GRID1: variants seen among roughly 807,000 people sequenced by gnomAD.
The protein encoded by GRID1 is glutamate receptor ionotropic, delta-1.
A neutral mutation model predicts 98.0 loss-of-function variants in GRID1; 28 were observed. The ratio of observed to expected loss-of-function variants is 0.29; its 90% confidence interval spans 0.21 to 0.39. The LOEUF is 0.39. Among genes scored for constraint, GRID1 ranks in the 10% least tolerant of loss-of-function variants. The probability of loss-of-function intolerance (pLI) is 1.00; values close to 1 mark genes in which losing one functional copy is unlikely to be tolerated. For missense variants in GRID1, 1,111 were observed against 1,340.5 expected (o/e 0.83, Z 2.67); for synonymous variants, 553 against 538.5 (o/e 1.03, Z -0.37).
chr10:85,714,008 G>A (rs761868800), intron 12 of GRID1, among the ~76,000 whole-genome samples: 4 of 151,716 alleles, frequency 2.6e-5, no homozygotes, highest in Admixed American at 6.6e-5. Context: ...AGAACAATTA[G>A]GCAATACAAA....
chr10:86,102,106 T>C (rs1844305022), intron 4 of GRID1, among the ~76,000 whole-genome samples: 2 of 152,226 alleles, frequency 1.3e-5, no homozygotes, highest in South Asian at 2.1e-4. Flanking sequence ...GTGTTCGCCC[T>C]GCTTTGTCCA....
intron 2 of GRID1, among the ~76,000 whole-genome samples, chr10:86,342,713 C>T (rs942182835): frequency 6.6e-6 from 1 of 152,210 alleles, no homozygotes; most frequent in African/African-American, 2.4e-5. Flanking sequence ...CAGCCTGAGT[C>T]GGGTAGCGAG....
At chr10:85,702,508 G>A (rs1020169682) in intron 12 of GRID1, among the ~76,000 whole-genome samples, 3 of 151,976 alleles carry the variant, frequency 2.0e-5, no homozygotes, top group Non-Finnish European at 4.4e-5. Flanking sequence ...AAATAATAAG[G>A]AAATATTTAA....
intron 8 of GRID1, among the ~76,000 whole-genome samples, chr10:85,775,745 A>AG (rs1564587132): frequency 6.6e-6 from 1 of 152,156 alleles, no homozygotes; most frequent in Non-Finnish European, 1.5e-5. Context: ...ATTGTTGAAA[A>AG]GGGGGTTGAG....
chr10:86,053,512 C>T (rs1843531129), intron 4 of GRID1, among the ~76,000 whole-genome samples: 1 of 151,986 alleles, frequency 6.6e-6, no homozygotes, highest in African/African-American at 2.4e-5. Flanking sequence ...GCATGCGCCA[C>T]CATGCCTGGC....
chr10:86,222,590 C>T (rs1465692382), intron 2 of GRID1, among the ~76,000 whole-genome samples: 1 of 152,186 alleles, frequency 6.6e-6, no homozygotes, highest in Non-Finnish European at 1.5e-5. Context: ...GGAGGGGCCT[C>T]TGAAAGACGC....
In GRID1 at chr10:86,366,311, T is replaced by C. The variant is rs2132126922; in HGVS notation, c.79+3A>G. 1 of 1,493,280 alleles carries C rather than the reference T, an allele frequency of 6.7e-7. No homozygotes were observed. Among genetic ancestry groups the C allele is most frequent in the Non-Finnish European group, 8.9e-7 (1 of 1,118,292 alleles). The allele number at this position is 1,493,280 out of a possible 1,614,324, so 92.5% of individuals were successfully genotyped here. A position where few individuals can be genotyped will look rare whatever the true frequency, so the allele number is the denominator to read the frequency against. On this transcript the variant is annotated splice_donor_region_variant and intron_variant, in intron 1 of 15. Coordinates refer to ENST00000327946, the MANE Select transcript of GRID1 (RefSeq NM_017551.3). The surrounding 1 kb of genome is among the most constrained non-coding windows in gnomAD (Gnocchi z 4.1). ...CCTCGGCCCGGCCTCCAGCCGCGCT[T>C]ACCGATGTGGATGATGGAGTCGGCC...
chr10:85,974,270 C>T (rs1589320036), intron 4 of GRID1, among the ~76,000 whole-genome samples: 2 of 145,480 alleles, frequency 1.4e-5, no homozygotes, highest in East Asian at 4.0e-4. Flanking sequence ...AAAGCCCAAG[C>T]CTCAAGTTTT....
At chr10:85,731,045 TG>T (rs1242761909) in intron 8 of GRID1, among the ~76,000 whole-genome samples, 1 of 152,186 alleles carries the variant, frequency 6.6e-6, no homozygotes, top group Non-Finnish European at 1.5e-5. Context: ...GCTTCTACTC[TG>T]TCAGCATTTC....
intron 4 of GRID1, among the ~76,000 whole-genome samples, chr10:85,922,706 C>G (rs1370602553): frequency 6.6e-6 from 1 of 152,192 alleles, no homozygotes; most frequent in Non-Finnish European, 1.5e-5. Flanking sequence ...GCGCAACGCC[C>G]CTCCATTTGC....
At chr10:86,338,283 T>C (rs1357226770) in intron 2 of GRID1, among the ~76,000 whole-genome samples, 3 of 152,036 alleles carry the variant, frequency 2.0e-5, no homozygotes, top group Admixed American at 2.0e-4. Flanking sequence ...ATCAGAGTCC[T>C]CTGAAGACCT....
intron 8 of GRID1, among the ~76,000 whole-genome samples, chr10:85,789,039 C>T (rs1380397581): frequency 6.6e-6 from 1 of 152,174 alleles, no homozygotes; most frequent in African/African-American, 2.4e-5. Flanking sequence ...CAAAAGATAC[C>T]TCCCATTGTA....
intron 4 of GRID1, among the ~76,000 whole-genome samples, chr10:86,081,249 T>C (rs1263565654): frequency 2.0e-5 from 3 of 152,118 alleles, no homozygotes; most frequent in African/African-American, 4.8e-5. Flanking sequence ...GAAATGGGGC[T>C]GGGGATGAAA....
intron 8 of GRID1, among the ~76,000 whole-genome samples, chr10:85,809,759 G>A (rs980762009): frequency 1.2e-4 from 19 of 152,168 alleles, no homozygotes; most frequent in African/African-American, 4.3e-4. Context: ...AGGGGAGCAA[G>A]GCACCCTCCC....
rs934808157 is a variant in GRID1, at chr10:86,097,514, CCTAT to C, written c.726+41301_726+41304del. 2.6e-4 allele frequency among the ~76,000 whole-genome samples: 40 copies of C among 152,250 alleles called. 1 individual carries two copies. The highest frequency in any genetic ancestry group is 1.0e-4 in the Non-Finnish European group (7 of 68,016). Reference sequence around the variant, plus strand: ...ATCTGTCTATCCATCTATCTGTCTACCTATCTATCTAGCTATCTGTCTGTCTATC... The same window carrying C: ...ATCTGTCTATCCATCTATCTGTCTACCTATCTAGCTATCTGTCTGTCTATC... On this transcript the variant is annotated intron_variant, in intron 4 of 15. Coordinates refer to ENST00000327946, the MANE Select transcript of GRID1 (RefSeq NM_017551.3).
intron 3 of GRID1, among the ~76,000 whole-genome samples, chr10:86,175,073 TCC>T (rs1447396815): frequency 6.6e-6 from 1 of 152,184 alleles, no homozygotes; most frequent in East Asian, 1.9e-4. Context: ...TCTTCTTTTC[TCC>T]CCACAAGGCA....
chr10:86,060,649 C>T (rs1199359834), intron 4 of GRID1, among the ~76,000 whole-genome samples: 5 of 152,184 alleles, frequency 3.3e-5, no homozygotes, highest in Admixed American at 2.6e-4. Flanking sequence ...CACAGCAGGG[C>T]GCTGGCCTGG....
intron 4 of GRID1, among the ~76,000 whole-genome samples, chr10:86,071,065 G>A (rs772602152): frequency 1.3e-5 from 2 of 152,214 alleles, no homozygotes; most frequent in African/African-American, 2.4e-5. Flanking sequence ...TCTGCTTCCA[G>A]TATTGAGGTA....
intron 13 of GRID1, among the ~76,000 whole-genome samples, chr10:85,620,843 C>T (rs1431596113): frequency 6.6e-6 from 1 of 152,200 alleles, no homozygotes; most frequent in African/African-American, 2.4e-5. Context: ...TGCACATATG[C>T]ATGCACACAC....
Sources: allele counts gnomAD v4.1 joint callset (sites outside exome capture counted in the v4.1 genomes callset), GRCh38; gene constraint gnomAD v4.1.1; non-coding constraint Gnocchi (gnomAD v3.1); transcripts MANE v1.5; gene names NCBI Gene and HGNC (gene_info 2026-07-23, HGNC 2026-07-21).